The following TMPRSS12 variants were observed in gnomAD, a reference collection of about 807,000 sequenced individuals.
TMPRSS12 encodes transmembrane serine protease 12, also known as transmembrane protease serine 12.
TMPRSS12 carries 25 observed loss-of-function variants against 26.0 expected under a neutral mutation model. The ratio of observed to expected loss-of-function variants is 0.96; its 90% confidence interval spans 0.70 to 1.34. The LOEUF is 1.34. TMPRSS12 is among the 40% of genes most tolerant of loss of function. TMPRSS12 has a pLI of 0.00. For missense variants in TMPRSS12, 441 were observed against 440.1 expected (o/e 1.00, Z -0.02); for synonymous variants, 150 against 161.7 (o/e 0.93, Z 0.55).
intron 2 of TMPRSS12, among the ~76,000 whole-genome samples, chr12:50,851,160 C>T (rs909710889): frequency 1.3e-5 from 2 of 152,208 alleles, no homozygotes; most frequent in South Asian, 4.1e-4. Flanking sequence ...TTCTTCTTAT[C>T]TCCAAATGAC....
intron 2 of TMPRSS12, among the ~76,000 whole-genome samples, chr12:50,844,360 A>G (rs927647272): frequency 6.6e-6 from 1 of 151,282 alleles, no homozygotes; most frequent in Non-Finnish European, 1.5e-5. Context: ...CCCCCTACCC[A>G]GGAATCCTTT....
chr12:50,885,110 C>T, intron 3 of TMPRSS12, 136 bp from the exon 4 acceptor site: 2 of 727,344 alleles, frequency 2.7e-6, no homozygotes, highest in Non-Finnish European at 4.3e-6. Context: ...CATACATATT[C>T]ATACACATAT....
intron 3 of TMPRSS12, among the ~76,000 whole-genome samples, chr12:50,876,085 C>T (rs1396701992): frequency 2.0e-5 from 3 of 152,058 alleles, no homozygotes; most frequent in South Asian, 4.1e-4. Context: ...CATTAAAACA[C>T]GGGCAAAAGA....
intron 2 of TMPRSS12, among the ~76,000 whole-genome samples, chr12:50,852,413 CTT>C (rs1463629517): frequency 6.6e-6 from 1 of 152,096 alleles, no homozygotes; most frequent in Non-Finnish European, 1.5e-5. Flanking sequence ...ACAAAATAGA[CTT>C]TATTTATTTT....
intron 3 of TMPRSS12, among the ~76,000 whole-genome samples, chr12:50,868,425 G>T (rs1264988312): frequency 6.6e-6 from 1 of 152,060 alleles, no homozygotes; most frequent in African/African-American, 2.4e-5. Context: ...ATGGTAAAAG[G>T]CCTTGTCCAA....
At chr12:50,865,711 A>C (rs545724606) in intron 3 of TMPRSS12, among the ~76,000 whole-genome samples, 11 of 152,082 alleles carry the variant, frequency 7.2e-5, no homozygotes, top group South Asian at 4.2e-4. Flanking sequence ...AAAAAAAAAA[A>C]CAGAAGATCT....
intron 3 of TMPRSS12, among the ~76,000 whole-genome samples, chr12:50,862,878 A>C (rs1379257243): frequency 1.3e-5 from 2 of 152,114 alleles, no homozygotes; most frequent in Non-Finnish European, 2.9e-5. Context: ...GGTTAAAAAA[A>C]AAAGGAGGGA....
Position 50,885,377 on chromosome 12 carries a change from G to A in TMPRSS12, c.784G>A (p.Asp262Asn). 6.2e-7 allele frequency: 1 copy of A among 1,613,804 alleles called. No homozygotes were observed. Among genetic ancestry groups the A allele is most frequent in the Non-Finnish European group, 8.5e-7 (1 of 1,179,840 alleles). ...FCAGDEDGAFDTCRGDSGGPL... is the reference protein window; with the variant it reads ...FCAGDEDGAFNTCRGDSGGPL... ...TGCAGGTGATGAAGATGGAGCTTTT[G>A]ATACTTGCAGGGTAAGACCAAGTAA... is the stretch of plus-strand genomic sequence containing the variant. The change falls in exon 4 of 5, where the codon GAT (aspartate) becomes AAT (asparagine). Residue 262 changes from aspartate to asparagine, a missense_variant. Transcript: ENST00000398458.
At chr12:50,871,927 TA>T (rs56139129) in intron 3 of TMPRSS12, among the ~76,000 whole-genome samples, 16 of 146,924 alleles carry the variant, frequency 1.1e-4, no homozygotes, top group African/African-American at 2.5e-4. Flanking sequence ...ATCAAAAAAT[TA>T]AAAAAAAAAA....
At chr12:50,873,206 G>T (rs963585644) in intron 3 of TMPRSS12, among the ~76,000 whole-genome samples, 3 of 151,878 alleles carry the variant, frequency 2.0e-5, no homozygotes, top group African/African-American at 7.3e-5. Flanking sequence ...GGAGGGGGGC[G>T]AGGGATAAAA....
chr12:50,842,957 C>A lies in TMPRSS12; in HGVS notation c.-8C>A, dbSNP rs924602020. The A allele has an allele frequency of 1.3e-6, 2 of 1,576,346 alleles. No homozygotes were observed. Among genetic ancestry groups the A allele is most frequent in the Non-Finnish European group, 1.7e-6 (2 of 1,159,140 alleles). On this transcript the variant is annotated 5_prime_UTR_variant, in exon 1 of 5. Transcript: ENST00000398458. ...TACCTGCCGCCATCTTGCTCACCAGCCTCCAAAATGCGGCTGGGGCTCCTG... is the reference window on the plus strand; with the variant it reads ...TACCTGCCGCCATCTTGCTCACCAGACTCCAAAATGCGGCTGGGGCTCCTG...
At chr12:50,845,032 A>G (rs554814391) in intron 2 of TMPRSS12, among the ~76,000 whole-genome samples, 31 of 152,306 alleles carry the variant, frequency 2.0e-4, no homozygotes, top group African/African-American at 7.5e-4. Context: ...ATATTTAAAA[A>G]AATTGTTAAT....
At chr12:50,864,651 A>ATGGTT (rs1452882172) in intron 3 of TMPRSS12, among the ~76,000 whole-genome samples, 1 of 152,054 alleles carries the variant, frequency 6.6e-6, no homozygotes, top group Non-Finnish European at 1.5e-5. Context: ...GCAATAGACT[A>ATGGTT]TTGTTTTGTT....
chr12:50,855,704 G>T (rs1307018963), intron 2 of TMPRSS12, among the ~76,000 whole-genome samples: 2 of 152,128 alleles, frequency 1.3e-5, no homozygotes, highest in African/African-American at 2.4e-5. Context: ...CCCATTACTG[G>T]ATATACACCT....
chr12:50,886,044 T>G (rs1458537643), intron 4 of TMPRSS12: 1 of 152,250 alleles, frequency 6.6e-6, no homozygotes, highest in Admixed American at 6.6e-5. Flanking sequence ...TTGCATTTCC[T>G]TAATGACTAA....
intron 3 of TMPRSS12, among the ~76,000 whole-genome samples, chr12:50,872,628 C>CATATATATGACGTATATGT (rs1938060890): frequency 3.1e-5 from 3 of 97,936 alleles, no homozygotes; most frequent in African/African-American, 1.1e-4. Flanking sequence ...TATATATGTA[C>CATATATATGACGTATATGT]ATATATATGA....
intron 3 of TMPRSS12, among the ~76,000 whole-genome samples, chr12:50,866,042 C>G (rs1565934155): frequency 6.6e-6 from 1 of 152,020 alleles, no homozygotes; most frequent in Non-Finnish European, 1.5e-5. Flanking sequence ...CAGATGGGAG[C>G]CAGAACTAGA....
chr12:50,847,160 G>A (rs1272985436), intron 2 of TMPRSS12, among the ~76,000 whole-genome samples: 4 of 151,222 alleles, frequency 2.6e-5, no homozygotes, highest in African/African-American at 9.7e-5. Flanking sequence ...CCGGGTTCAG[G>A]CCATTCTCCT....
chr12:50,882,790 A>C (rs1938188796), intron 3 of TMPRSS12, among the ~76,000 whole-genome samples: 1 of 43,992 alleles, frequency 2.3e-5, no homozygotes, highest in Non-Finnish European at 5.3e-5. Flanking sequence ...TTTTTCAAAA[A>C]TAAAAAACCA....
Sources: gnomAD v4.1 joint callset for allele counts (sites outside exome capture counted in the v4.1 genomes callset) on GRCh38, gnomAD v4.1.1 for gene constraint, MANE v1.5 for transcripts, NCBI Gene and HGNC (gene_info 2026-07-23, HGNC 2026-07-21) for gene names.